Variants in VPS13B observed in about 807,000 individuals in gnomAD.
The protein encoded by VPS13B is intermembrane lipid transfer protein VPS13B.
A neutral mutation model predicts 426.4 loss-of-function variants in VPS13B; 285 were observed. The ratio of observed to expected loss-of-function variants is 0.67; its 90% confidence interval spans 0.61 to 0.74. VPS13B has a LOEUF of 0.74. VPS13B is among the 30% of genes least tolerant of loss of function. The pLI, the probability that VPS13B is intolerant of heterozygous loss-of-function variation, is 0.00. For missense variants in VPS13B, 4,537 were observed against 4,782.6 expected (o/e 0.95, Z 1.51); for synonymous variants, 1,676 against 1,676.4 (o/e 1.00, Z 0.01).
At chr8:99,195,556 T>C (rs898343205) in intron 17 of VPS13B, among the ~76,000 whole-genome samples, 15 of 152,248 alleles carry the variant, frequency 9.9e-5, no homozygotes, top group Non-Finnish European at 1.9e-4. Context: ...TTGTTTCTTT[T>C]GCCGTGCAGA....
chr8:99,435,532 A>C (rs931749553), intron 22 of VPS13B, among the ~76,000 whole-genome samples: 1 of 152,184 alleles, frequency 6.6e-6, no homozygotes, highest in African/African-American at 2.4e-5. Flanking sequence ...ACAATGTAGG[A>C]TATACTGGAG....
At chr8:99,538,568 T>G (rs1042209279) in intron 30 of VPS13B, among the ~76,000 whole-genome samples, 1 of 152,184 alleles carries the variant, frequency 6.6e-6, no homozygotes, top group Non-Finnish European at 1.5e-5. Flanking sequence ...AGAGCCAGTT[T>G]CATCTTTTCC....
At position 99,731,670 on chromosome 8, in the gene VPS13B, A is replaced by G. The variant is rs890578068; in HGVS notation, c.7050+10623A>G. Among the ~76,000 whole-genome samples the G allele has an allele frequency of 3.9e-5, 6 of 152,342 alleles. No homozygotes were observed. In the East Asian group the frequency reaches 9.6e-4, roughly 24 times the overall value. On this transcript the variant is annotated intron_variant, in intron 39 of 61. Transcript: ENST00000357162. ...TGCAACCTGAAGGGAGTAGTGGGGA[A>G]GGAGAAAAAGAAATGAATGCAAGAG...
At chr8:99,579,797 A>G (rs1825963403) in intron 33 of VPS13B, among the ~76,000 whole-genome samples, 1 of 151,618 alleles carries the variant, frequency 6.6e-6, no homozygotes, top group African/African-American at 2.4e-5. Flanking sequence ...TCCTGGGTTC[A>G]AGCAATTCTC....
At chr8:99,857,901 C>G (rs769807269) in intron 56 of VPS13B, among the ~76,000 whole-genome samples, 1 of 152,190 alleles carries the variant, frequency 6.6e-6, no homozygotes, top group Non-Finnish European at 1.5e-5. Flanking sequence ...CTCCTTTGCC[C>G]TAAACCCTAG....
intron 25 of VPS13B, among the ~76,000 whole-genome samples, chr8:99,491,692 G>C (rs1250258195): frequency 6.6e-6 from 1 of 152,100 alleles, no homozygotes; most frequent in Non-Finnish European, 1.5e-5. Context: ...TAGTTCTCGT[G>C]CTGTGGTTTT....
At chr8:99,617,330 G>T (rs1389297859) in intron 33 of VPS13B, among the ~76,000 whole-genome samples, 1 of 152,056 alleles carries the variant, frequency 6.6e-6, no homozygotes, top group Admixed American at 6.6e-5. Flanking sequence ...TTGTTTGTTT[G>T]TATTTTGTTT....
chr8:99,091,282 G>T (rs780312117), intron 3 of VPS13B, among the ~76,000 whole-genome samples: 1 of 152,074 alleles, frequency 6.6e-6, no homozygotes, highest in Admixed American at 6.6e-5. Flanking sequence ...CAGTGAATAT[G>T]GTGATCTCTT....
At chr8:99,520,791 G>T in intron 29 of VPS13B, 108 bp from the exon 30 acceptor site, 3 of 765,832 alleles carry the variant, frequency 3.9e-6, no homozygotes, top group South Asian at 1.6e-5. Flanking sequence ...CTTATTTATT[G>T]GTCTTATCTT....
At chr8:99,795,395 A>C (rs1812755629) in intron 43 of VPS13B, among the ~76,000 whole-genome samples, 1 of 152,170 alleles carries the variant, frequency 6.6e-6, no homozygotes, top group Non-Finnish European at 1.5e-5. Context: ...AAGTATGTAG[A>C]CATTCACTAA....
intron 31 of VPS13B, among the ~76,000 whole-genome samples, chr8:99,568,299 A>AT (rs1290790891): frequency 4.0e-4 from 56 of 141,036 alleles, no homozygotes; most frequent in Non-Finnish European, 6.5e-4. Context: ...TATTATTATT[A>AT]TTTTTTTTTG....
chr8:99,310,855 A>G (rs1187736165), intron 19 of VPS13B, among the ~76,000 whole-genome samples: 3 of 152,118 alleles, frequency 2.0e-5, no homozygotes, highest in Admixed American at 2.0e-4. Context: ...AGAACCTGTT[A>G]TTGGTCTATT....
chr8:99,355,460 ACATGCCT>A (rs946897192), intron 19 of VPS13B, among the ~76,000 whole-genome samples: 2 of 152,122 alleles, frequency 1.3e-5, no homozygotes, highest in African/African-American at 4.8e-5. Flanking sequence ...GCCTGGTGGC[ACATGCCT>A]GTAATCCCAG....
At chr8:99,166,960 C>T (rs578192214) in intron 15 of VPS13B, among the ~76,000 whole-genome samples, 149 of 152,074 alleles carry the variant, frequency 9.8e-4, no homozygotes, top group Non-Finnish European at 1.8e-3. Flanking sequence ...ATCAGCCATT[C>T]CTTTTTAGGT....
At chr8:99,417,085 TC>T (rs1244010145) in intron 21 of VPS13B, among the ~76,000 whole-genome samples, 1 of 152,168 alleles carries the variant, frequency 6.6e-6, no homozygotes, top group Non-Finnish European at 1.5e-5. Flanking sequence ...AAAATTACTT[TC>T]TACTTTTCCT....
intron 43 of VPS13B, among the ~76,000 whole-genome samples, chr8:99,801,192 C>T (rs1813102668): frequency 6.6e-6 from 1 of 152,132 alleles, no homozygotes; most frequent in African/African-American, 2.4e-5. Flanking sequence ...CTATATCTCT[C>T]TCCCACCCTC....
At position 99,823,979 on chromosome 8, in the gene VPS13B, G is replaced by A. The variant is rs756013171; in HGVS notation, c.9330+1G>A. Reference sequence around the variant, plus strand: ...CTGCAATCCCCATTCTGGAAAGGAGGTAAGCAAATCATAACGATTCTTTTG... The same window carrying A: ...CTGCAATCCCCATTCTGGAAAGGAGATAAGCAAATCATAACGATTCTTTTG... On this transcript the variant is annotated splice_donor_variant, in intron 51 of 61. Transcript: ENST00000357162. LOFTEE classifies it high-confidence loss of function. 1 of 1,611,582 alleles carries A rather than the reference G, an allele frequency of 6.2e-7. No homozygotes were observed. The highest frequency in any genetic ancestry group is 8.5e-7 in the Non-Finnish European group (1 of 1,179,712).
intron 19 of VPS13B, among the ~76,000 whole-genome samples, chr8:99,334,853 C>T (rs1461321190): frequency 6.6e-6 from 1 of 152,140 alleles, no homozygotes; most frequent in African/African-American, 2.4e-5. Context: ...GCTTTGGTAT[C>T]AGGATGACAC....
At chr8:99,559,587 G>A (rs186499963) in intron 31 of VPS13B, among the ~76,000 whole-genome samples, 13 of 152,254 alleles carry the variant, frequency 8.5e-5, no homozygotes, top group African/African-American at 3.1e-4. Flanking sequence ...TTTTGTATAA[G>A]GTGTAAGGAA....
Sources: gnomAD v4.1 joint callset for allele counts (sites outside exome capture counted in the v4.1 genomes callset) on GRCh38, gnomAD v4.1.1 for gene constraint, MANE v1.5 for transcripts, NCBI Gene and HGNC (gene_info 2026-07-23, HGNC 2026-07-21) for gene names.